Variants in THEMIS2 observed in about 807,000 individuals in gnomAD.
THEMIS2 encodes thymocyte selection associated family member 2.
Under a neutral mutation model 46.8 loss-of-function variants are expected in THEMIS2, and 29 were observed. That is an observed-to-expected ratio of 0.62 (90% CI 0.46 to 0.84). THEMIS2 has a LOEUF of 0.84. Ranked by LOEUF, THEMIS2 falls within the 40% of genes least tolerant of loss-of-function variation. The pLI, the probability that THEMIS2 is intolerant of heterozygous loss-of-function variation, is 0.00. For synonymous variants in THEMIS2, 335 were observed against 349.1 expected (o/e 0.96, Z 0.45); for missense variants, 698 against 834.7 (o/e 0.84, Z 2.02).
chr1:27,879,266 C>T (rs2089637169), intron 2 of THEMIS2, among the ~76,000 whole-genome samples: 1 of 151,972 alleles, frequency 6.6e-6, no homozygotes, highest in African/African-American at 2.4e-5. Flanking sequence ...TGAGTGGGAT[C>T]GGACCTGTGG....
At chr1:27,876,446 C>T in intron 1 of THEMIS2, 142 bp from the exon 2 acceptor site, 1 of 1,037,796 alleles carries the variant, frequency 9.6e-7, no homozygotes, top group Non-Finnish European at 1.4e-6. Context: ...GGGCATGAGG[C>T]AGGAACGACA....
intron 4 of THEMIS2, 105 bp from the exon 5 acceptor site, chr1:27,885,190 G>A (rs2089747825): frequency 8.1e-7 from 1 of 1,231,726 alleles, no homozygotes; most frequent in Non-Finnish European, 1.1e-6. Context: ...AAAGGAAGTA[G>A]AGAGAGAAGC....
rs577693261 is a variant in THEMIS2 at position 27,878,334 on chromosome 1, C to G, written c.236-1310C>G. ...TCTTTATTTCGAAGGCAATGAGGAG[C>G]CAGTGAGGGTTTTTTGTTTCATTTT... On this transcript the variant is annotated intron_variant, in intron 2 of 5. Transcript: ENST00000373921. Among the ~76,000 whole-genome samples, 8 of 149,354 alleles carry G rather than the reference C, an allele frequency of 5.4e-5. No homozygotes were observed. The South Asian group carries it at 1.7e-3, about 32-fold the overall frequency.
At chr1:27,881,873 C>A in intron 3 of THEMIS2, 98 bp from the exon 4 acceptor site, 1 of 888,036 alleles carries the variant, frequency 1.1e-6, no homozygotes, top group Non-Finnish European at 1.7e-6. Context: ...AAGACAGCAG[C>A]GGGAGGGAGG....
At position 27,879,694 on chromosome 1, in the gene THEMIS2, C is replaced by G; in HGVS notation, c.286C>G (p.Leu96Val). 1.2e-6 allele frequency: 2 copies of G among 1,613,478 alleles called. No homozygotes were observed. The highest frequency in any genetic ancestry group is 2.2e-5 in the South Asian group (2 of 91,014). The change falls in exon 3 of 6, where the codon CTG becomes GTG. Residue 96 changes from leucine (L) to valine (V), a missense_variant. Leu to Val is a conservative substitution (Grantham distance 32). Transcript: ENST00000373921. ...TPQSYETLEE[L>V]VSATTQSSKQ... ...ACAGAGCTATGAAACCCTGGAGGAG[C>G]TGGTCTCTGCCACAACTCAGAGCTC...
At chr1:27,875,587 C>T (rs976969745) in intron 1 of THEMIS2, among the ~76,000 whole-genome samples, 1 of 152,274 alleles carries the variant, frequency 6.6e-6, no homozygotes, top group East Asian at 1.9e-4. Flanking sequence ...AGTCTGTTGT[C>T]CTCCATTAGC....
Position 27,885,915 on chromosome 1 carries a change from C to A in THEMIS2, c.1925C>A (p.Thr642Asn), listed in dbSNP as rs748993556. The change falls in exon 6 of 6, where the codon ACC becomes AAC. Residue 642 changes from threonine to asparagine, a missense_variant. Transcript: ENST00000373921. ...YEEILEQFQK[T>N]I is the part of the protein sequence containing the mutation. ...GAAATACTTGAGCAATTTCAGAAAA[C>A]CATCTAAGTGCTGGAGGAACCACGC... is the stretch of plus-strand genomic sequence containing the variant. 5.0e-6 allele frequency: 8 copies of A among 1,613,844 alleles called. No homozygotes were observed. In the Admixed American group the frequency reaches 1.3e-4, roughly 27 times the overall value.
intron 1 of THEMIS2, among the ~76,000 whole-genome samples, chr1:27,873,227 C>T (rs938373324): frequency 1.3e-5 from 2 of 152,190 alleles, no homozygotes; most frequent in East Asian, 1.9e-4. Context: ...TTGCACGCCC[C>T]CGTACATCTG....
Position 27,879,931 on chromosome 1 carries a change from C to T in THEMIS2, c.523C>T (p.Pro175Ser), listed in dbSNP as rs2089650579. The T allele has an allele frequency of 6.2e-7, 1 of 1,611,064 alleles. No individual in the cohort carries two copies. The highest frequency in any genetic ancestry group is 1.3e-5 in the African/African-American group (1 of 74,744). Residue 175 changes from proline to serine, a missense_variant, in exon 3 of 6, where the codon CCT becomes TCT. Physicochemically the swap from Pro to Ser is moderately conservative, Grantham distance 74. Transcript: ENST00000373921. ...CTTCTGGACATGGGAGCCTAGTGCC[C>T]CTCGAACTCTGCTCCAGGTCCTACA... ...GPFWTWEPSA[P>S]RTLLQVLQDP...
Position 27,872,632 on chromosome 1 carries a change from G to T in THEMIS2, c.61G>T (p.Val21Leu). 6.8e-7 allele frequency: 1 copy of T among 1,468,720 alleles called. No individual in the cohort carries two copies. The highest frequency in any genetic ancestry group is 9.0e-7 in the Non-Finnish European group (1 of 1,110,546). 91.0% of individuals were successfully genotyped at this position (1,468,720 alleles called of 1,614,324 possible). Reference protein sequence around the residue: ...RALDPASLPRVLRVCSGVYFE... With the variant: ...RALDPASLPRLLRVCSGVYFE... Reference sequence around the variant, plus strand: ...CTTGGACCCCGCCTCCCTCCCGCGCGTGCTGCGGGTCTGCTCGGGGGTCTA... The same window carrying T: ...CTTGGACCCCGCCTCCCTCCCGCGCTTGCTGCGGGTCTGCTCGGGGGTCTA... The change falls in exon 1 of 6, where the codon GTG becomes TTG. Residue 21 changes from valine (V) to leucine (L), a missense_variant. By Grantham distance (32) the Val-to-Leu change is conservative. Transcript: ENST00000373921. This position sits in a 1 kb window ranked among gnomAD's most constrained non-coding sequence, Gnocchi z 4.9.
At chr1:27,881,451 CA>C (rs961782418) in intron 3 of THEMIS2, among the ~76,000 whole-genome samples, 59 of 138,806 alleles carry the variant, frequency 4.3e-4, no homozygotes, top group Middle Eastern at 3.7e-3. Flanking sequence ...GACTCCATCT[CA>C]AAAAAAAAAA....
At position 27,885,992 on chromosome 1, in the gene THEMIS2, CT is replaced by C; in HGVS notation, c.*71del. 1 of 1,485,672 alleles carries C rather than the reference CT, an allele frequency of 6.7e-7. No individual in the cohort carries two copies. Among genetic ancestry groups the C allele is most frequent in the Non-Finnish European group, 9.4e-7 (1 of 1,066,320 alleles). The allele number at this position is 1,485,672 out of a possible 1,614,324, so 92.0% of individuals were successfully genotyped here. On this transcript the variant is annotated 3_prime_UTR_variant, in exon 6 of 6. Coordinates refer to ENST00000373921, the MANE Select transcript of THEMIS2 (RefSeq NM_001105556.3). ...CCGACACCAGCCAACCATTTTAAGC[CT>C]CTAAAAGACCTCGGGCAAGTCTCAC...
At chr1:27,884,625 C>G (rs2089737886) in intron 4 of THEMIS2, 1 of 152,444 alleles carries the variant, frequency 6.6e-6, no homozygotes, top group Admixed American at 6.5e-5. Context: ...TGCTGTCGCC[C>G]TGGAACCACA....
intron 4 of THEMIS2, chr1:27,883,288 T>C (rs771644389): frequency 3.2e-5 from 17 of 532,928 alleles, no homozygotes; most frequent in Non-Finnish European, 5.0e-5. Context: ...TCCCTGTTAA[T>C]AAGTGGGAGG....
intron 1 of THEMIS2, among the ~76,000 whole-genome samples, chr1:27,875,122 G>A (rs979476492): frequency 6.6e-6 from 1 of 152,004 alleles, no homozygotes; most frequent in African/African-American, 2.4e-5. Context: ...GGGATTACAG[G>A]TGCCAACCTC....
rs769547746 is a variant in THEMIS2 at position 27,882,980 on chromosome 1, C to G, written c.1656C>G (p.Pro552=). 3.7e-5 allele frequency: 60 copies of G among 1,613,812 alleles called. No homozygotes were observed. Among genetic ancestry groups the G allele is most frequent in the Non-Finnish European group, 4.8e-5 (57 of 1,179,960 alleles). ...CCTGTGAGATCCAAGCCCCCCCACC[C>G]AGGCCCCCTAAAAATCAGGGCCTCA... ...LPACEIQAPP[P]RPPKNQGLSK... The change falls in exon 4 of 6, where the codon CCC becomes CCG. Residue 552 remains proline, a synonymous_variant. Transcript: ENST00000373921. This position sits in a 1 kb window ranked among gnomAD's most constrained non-coding sequence, Gnocchi z 7.6.
At chr1:27,876,361 G>C (rs1468278217) in intron 1 of THEMIS2, among the ~76,000 whole-genome samples, 1 of 152,104 alleles carries the variant, frequency 6.6e-6, no homozygotes, top group Non-Finnish European at 1.5e-5. Context: ...ATGTGAAAAA[G>C]GCCAGAGAAG....
chr1:27,886,306 AT>A lies in THEMIS2; in HGVS notation c.*388del. 1 of 232,856 alleles carries A rather than the reference AT, an allele frequency of 4.3e-6. No individual in the cohort carries two copies. Among genetic ancestry groups the A allele is most frequent in the Non-Finnish European group, 8.6e-6 (1 of 116,534 alleles). The allele number at this position is 232,856 out of a possible 1,614,324, so 14.4% of individuals were successfully genotyped here. On this transcript the variant is annotated 3_prime_UTR_variant, in exon 6 of 6. Transcript: ENST00000373921. The stretch of plus-strand genomic sequence containing the variant: ...CAATGCTGATCACACTGCATGGGAG[AT>A]TTTGTTAACGTCTGCCACCCCCACT...
At chr1:27,873,068 C>T (rs1396971534) in intron 1 of THEMIS2, among the ~76,000 whole-genome samples, 2 of 152,028 alleles carry the variant, frequency 1.3e-5, no homozygotes, top group Non-Finnish European at 2.9e-5. Context: ...TCCCACTCCT[C>T]CCCCGGCCCT....
Sources: gnomAD v4.1 joint callset for allele counts (sites outside exome capture counted in the v4.1 genomes callset) on GRCh38, gnomAD v4.1.1 for gene constraint, Gnocchi (gnomAD v3.1) non-coding constraint, MANE v1.5 for transcripts, NCBI Gene and HGNC (gene_info 2026-07-23, HGNC 2026-07-21) for gene names.